ST18: variants seen among roughly 807,000 people sequenced by gnomAD.
The protein encoded by ST18 is suppression of tumorigenicity 18 protein.
ST18 carries 50 observed loss-of-function variants against 110.0 expected under a neutral mutation model. That is an observed-to-expected ratio of 0.45 (90% CI 0.36 to 0.58). The LOEUF is 0.58. Among genes scored for constraint, ST18 ranks in the 20% least tolerant of loss-of-function variants. The pLI, the probability that ST18 is intolerant of heterozygous loss-of-function variation, is 0.00. For missense variants in ST18, 1,306 were observed against 1,280.1 expected, an observed-to-expected ratio of 1.02 and a Z score of -0.31; for synonymous variants, 461 against 452.4, an observed-to-expected ratio of 1.02 and a Z score of -0.24.
chr8:52,174,263 C>T (rs563527082), intron 9 of ST18, among the ~76,000 whole-genome samples: 86 of 152,282 alleles, frequency 5.6e-4, no homozygotes, highest in Non-Finnish European at 1.1e-3. Context: ...ATATATTAAA[C>T]ATAGTCTAAA....
chr8:52,173,211 T>C (rs2065633559), intron 9 of ST18, among the ~76,000 whole-genome samples: 1 of 152,202 alleles, frequency 6.6e-6, no homozygotes, highest in Admixed American at 6.5e-5. Flanking sequence ...TAAAATTCCA[T>C]ATTGAAGGAA....
At chr8:52,325,119 A>C (rs137982079) in intron 2 of ST18, among the ~76,000 whole-genome samples, 38 of 152,346 alleles carry the variant, frequency 2.5e-4, no homozygotes, top group Non-Finnish European at 4.0e-4. Flanking sequence ...TGAGCAAATT[A>C]TGAGTCAAAG....
chr8:52,295,832 C>T (rs1414102025), intron 2 of ST18, among the ~76,000 whole-genome samples: 2 of 151,074 alleles, frequency 1.3e-5, no homozygotes, highest in Non-Finnish European at 2.9e-5. Flanking sequence ...CTTCCCTGCA[C>T]GCTCAATCTG....
At chr8:52,113,391 AAAG>A in intron 25 of ST18, 53 bp from the exon 26 acceptor site, 1 of 1,597,426 alleles carries the variant, frequency 6.3e-7, no homozygotes, top group Non-Finnish European at 8.5e-7. Flanking sequence ...GGCTGAGGGA[AAAG>A]AAGGACCCAG....
intron 13 of ST18, among the ~76,000 whole-genome samples, chr8:52,162,387 C>T (rs561826248): frequency 1.3e-4 from 20 of 152,276 alleles, no homozygotes; most frequent in South Asian, 6.2e-4. Flanking sequence ...CTGCTCAGTC[C>T]TGCAGAGCTG....
At chr8:52,165,743 A>C (rs1472462712) in intron 11 of ST18, among the ~76,000 whole-genome samples, 1 of 152,206 alleles carries the variant, frequency 6.6e-6, no homozygotes, top group Non-Finnish European at 1.5e-5. Context: ...AGTCTGAGGA[A>C]CTGCTAAACT....
chr8:52,125,052 C>T (rs2046468379), intron 23 of ST18, among the ~76,000 whole-genome samples: 2 of 152,114 alleles, frequency 1.3e-5, no homozygotes, highest in Admixed American at 1.3e-4. Context: ...TTCTCAAATG[C>T]TTTGGAACGA....
In ST18 at chr8:52,216,001, C is replaced by T. The variant is rs139160774; in HGVS notation, c.1-1744G>A. Among the ~76,000 whole-genome samples, 233 of 152,350 alleles carry T rather than the reference C, an allele frequency of 1.5e-3. 2 individuals carry two copies. Among genetic ancestry groups the T allele is most frequent in the African/African-American group, 5.3e-3 (222 of 41,576 alleles). On this transcript the variant is annotated intron_variant, in intron 6 of 25. Coordinates refer to ENST00000689386, the MANE Select transcript of ST18 (RefSeq NM_001352837.2). ...AGCCACTTCTATGTGTGAGCCTCCA[C>T]AAAGCAACACCAACCTATTGTTATC... is the stretch of plus-strand genomic sequence containing the variant.
chr8:52,400,230 C>A lies in ST18; in HGVS notation c.-465+9098G>T, dbSNP rs538745380. ...TATCTGCTATAAACAGCCATCTCTG[C>A]TCTTTCAGTTACTATTTGCATGGAA... On this transcript the variant is annotated intron_variant, in intron 2 of 25. Transcript: ENST00000689386. Among the ~76,000 whole-genome samples the A allele has an allele frequency of 2.1e-3, 316 of 152,194 alleles. 3 individuals are homozygous for A. The highest frequency in any genetic ancestry group is 7.2e-3 in the African/African-American group (298 of 41,568).
At chr8:52,327,018 A>G (rs1478962966) in intron 2 of ST18, among the ~76,000 whole-genome samples, 1 of 152,232 alleles carries the variant, frequency 6.6e-6, no homozygotes, top group Non-Finnish European at 1.5e-5. Context: ...AGGGAGCCCC[A>G]CAGCCTTCAT....
At chr8:52,270,408 G>A (rs962844726) in intron 2 of ST18, among the ~76,000 whole-genome samples, 10 of 152,088 alleles carry the variant, frequency 6.6e-5, no homozygotes, top group African/African-American at 2.2e-4. Flanking sequence ...GCTTGAAAAT[G>A]TCTTTTTCCC....
chr8:52,141,732 C>G (rs544511447), intron 17 of ST18, among the ~76,000 whole-genome samples: 1 of 152,252 alleles, frequency 6.6e-6, no homozygotes, highest in East Asian at 1.9e-4. Context: ...GGAACAGCAA[C>G]CCTAAGGCCC....
intron 2 of ST18, among the ~76,000 whole-genome samples, chr8:52,255,915 AT>A (rs1199264650): frequency 1.3e-5 from 2 of 152,198 alleles, no homozygotes; most frequent in Non-Finnish European, 2.9e-5. Flanking sequence ...CCCTTGGCCC[AT>A]TGCTCCCTCA....
chr8:52,183,971 A>G (rs1447213269), intron 8 of ST18, among the ~76,000 whole-genome samples: 1 of 152,060 alleles, frequency 6.6e-6, no homozygotes, highest in East Asian at 1.9e-4. Flanking sequence ...AATAAATATT[A>G]CTCTTTGTGT....
At chr8:52,360,975 C>T (rs1357191871) in intron 2 of ST18, among the ~76,000 whole-genome samples, 2 of 152,178 alleles carry the variant, frequency 1.3e-5, no homozygotes, top group Non-Finnish European at 2.9e-5. Context: ...TCTTCTTAAA[C>T]TGCATGAAGA....
intron 2 of ST18, among the ~76,000 whole-genome samples, chr8:52,344,232 G>T (rs890191196): frequency 1.7e-5 from 2 of 116,632 alleles, no homozygotes; most frequent in Non-Finnish European, 3.5e-5. Flanking sequence ...TAAAGAGCAA[G>T]ATATTATAAA....
chr8:52,221,259 GTACTA>G (rs1310030225), intron 4 of ST18, among the ~76,000 whole-genome samples: 1 of 152,132 alleles, frequency 6.6e-6, no homozygotes, highest in Non-Finnish European at 1.5e-5. Context: ...GATTTGGAAT[GTACTA>G]TACTCAAGCG....
chr8:52,315,718 G>T (rs960576059), intron 2 of ST18, among the ~76,000 whole-genome samples: 3 of 152,148 alleles, frequency 2.0e-5, no homozygotes, highest in African/African-American at 7.2e-5. Context: ...GTTTGTTAAA[G>T]AAAGTGTGTG....
intron 2 of ST18, among the ~76,000 whole-genome samples, chr8:52,300,996 G>A (rs973899959): frequency 1.3e-5 from 2 of 152,136 alleles, no homozygotes; most frequent in African/African-American, 4.8e-5. Flanking sequence ...TTCTTTGAAA[G>A]TAAATTTGTA....
Sources: gnomAD v4.1 joint callset for allele counts (sites outside exome capture counted in the v4.1 genomes callset) on GRCh38, gnomAD v4.1.1 for gene constraint, MANE v1.5 for transcripts, NCBI Gene and HGNC (gene_info 2026-07-23, HGNC 2026-07-21) for gene names.